The following SLC24A2 variants were observed in gnomAD, a reference collection of about 807,000 sequenced individuals.
SLC24A2 encodes the protein sodium/potassium/calcium exchanger 2.
Under a neutral mutation model 62.0 loss-of-function variants are expected in SLC24A2, and 36 were observed. The observed-to-expected ratio is 0.58, with a 90% CI of 0.44 to 0.77. The LOEUF is 0.77. Ranked by LOEUF, SLC24A2 falls within the 30% of genes least tolerant of loss-of-function variation. The pLI is 0.00. For synonymous variants in SLC24A2, 358 were observed against 294.0 expected (o/e 1.22, Z -2.23); for missense variants, 846 against 817.9 (o/e 1.03, Z -0.42).
At chr9:19,866,436 T>C in the SLC24A2 span, among the ~76,000 whole-genome samples, 1 of 152,208 alleles carries the variant, frequency 6.6e-6, no homozygotes, top group South Asian at 2.1e-4. Context: ...ATAGTAAAGA[T>C]TTGGAAAAAA....
chr9:19,636,086 C>G (rs917945805), intron 2 of SLC24A2, among the ~76,000 whole-genome samples: 5 of 152,254 alleles, frequency 3.3e-5, no homozygotes, highest in Non-Finnish European at 5.9e-5. Context: ...CCCTACTTTG[C>G]AACCAACCCC....
chr9:19,888,574 C>T, the SLC24A2 span, among the ~76,000 whole-genome samples: 2 of 151,952 alleles, frequency 1.3e-5, no homozygotes, highest in African/African-American at 2.4e-5. Context: ...ATTAAATATG[C>T]CATTTATTTG....
chr9:19,934,733 T>G, the SLC24A2 span, among the ~76,000 whole-genome samples: 1 of 152,164 alleles, frequency 6.6e-6, no homozygotes, highest in African/African-American at 2.4e-5. The surrounding 1 kb of genome is among the most constrained non-coding windows in gnomAD (Gnocchi z 4.1). Flanking sequence ...CCCGGAGAGT[T>G]GTAAAGCTCG....
chr9:19,563,210 G>C (rs1452621368), intron 7 of SLC24A2, among the ~76,000 whole-genome samples: 2 of 152,054 alleles, frequency 1.3e-5, no homozygotes, highest in African/African-American at 4.8e-5. Flanking sequence ...TTGTGTTCTA[G>C]TGGTGTCAGA....
chr9:19,626,006 A>G (rs1818025798), intron 2 of SLC24A2, among the ~76,000 whole-genome samples: 2 of 152,086 alleles, frequency 1.3e-5, no homozygotes, highest in Admixed American at 1.3e-4. Context: ...ATTTCTTTAT[A>G]GGAATTTTGC....
At chr9:20,145,133 T>TA in the SLC24A2 span, among the ~76,000 whole-genome samples, 1 of 152,180 alleles carries the variant, frequency 6.6e-6, no homozygotes, top group Admixed American at 6.5e-5. Context: ...GGATTTCATA[T>TA]GGAATAACTG....
chr9:19,991,418 C>G, the SLC24A2 span, among the ~76,000 whole-genome samples: 2 of 152,166 alleles, frequency 1.3e-5, no homozygotes, highest in African/African-American at 4.8e-5. Flanking sequence ...GGTGCCTACC[C>G]AGATTGAAGG....
chr9:20,270,071 A>C, the SLC24A2 span, among the ~76,000 whole-genome samples: 1 of 152,182 alleles, frequency 6.6e-6, no homozygotes, highest in Non-Finnish European at 1.5e-5. Flanking sequence ...TCTTGGCTTT[A>C]TAATGACCTA....
At chr9:19,689,147 G>T (rs1031650075) in intron 2 of SLC24A2, among the ~76,000 whole-genome samples, 2 of 152,008 alleles carry the variant, frequency 1.3e-5, no homozygotes, top group Admixed American at 6.6e-5. Context: ...TACAGATAAG[G>T]TAACTGAGGC....
intron 2 of SLC24A2, among the ~76,000 whole-genome samples, chr9:19,774,125 A>G (rs576719855): frequency 6.6e-6 from 1 of 152,276 alleles, no homozygotes; most frequent in East Asian, 1.9e-4. Context: ...AGGACTGAAG[A>G]AGAGTAGGCT....
chr9:20,044,013 A>C, the SLC24A2 span, among the ~76,000 whole-genome samples: 1 of 152,204 alleles, frequency 6.6e-6, no homozygotes, highest in South Asian at 2.1e-4. Context: ...AGCCATCCCA[A>C]CCATCAGCAA....
the SLC24A2 span, among the ~76,000 whole-genome samples, chr9:20,263,991 G>C: frequency 1.3e-5 from 2 of 151,910 alleles, no homozygotes; most frequent in Non-Finnish European, 2.9e-5. Flanking sequence ...GCACCTCTGA[G>C]CTGGCCCACG....
the SLC24A2 span, among the ~76,000 whole-genome samples, chr9:19,802,159 C>T: frequency 6.6e-6 from 1 of 152,166 alleles, no homozygotes; most frequent in Non-Finnish European, 1.5e-5. Flanking sequence ...GCCACAACAT[C>T]TAAGAAATAT....
chr9:19,552,254 G>C (rs1834881710), intron 7 of SLC24A2, among the ~76,000 whole-genome samples: 1 of 152,142 alleles, frequency 6.6e-6, no homozygotes, highest in Admixed American at 6.5e-5. Context: ...GATATAGCAG[G>C]TGTAGAGAAT....
chr9:19,560,347 C>T (rs951650394), intron 7 of SLC24A2, among the ~76,000 whole-genome samples: 2 of 137,748 alleles, frequency 1.5e-5, no homozygotes, highest in South Asian at 5.3e-4. Context: ...CTCTACACTC[C>T]TCTGTATTCA....
At chr9:19,784,288 A>G (rs1451815621) in intron 2 of SLC24A2, among the ~76,000 whole-genome samples, 1 of 152,184 alleles carries the variant, frequency 6.6e-6, no homozygotes, top group East Asian at 1.9e-4. Flanking sequence ...CTAAAATCAG[A>G]ATACAAAATC....
chr9:19,603,290 G>T (rs925180437), intron 4 of SLC24A2, among the ~76,000 whole-genome samples: 1 of 152,018 alleles, frequency 6.6e-6, no homozygotes, highest in East Asian at 1.9e-4. Flanking sequence ...CAAGCAAAAG[G>T]TACTTTCTCA....
At chr9:19,595,462 A>G (rs1008179550) in intron 5 of SLC24A2, among the ~76,000 whole-genome samples, 7 of 152,216 alleles carry the variant, frequency 4.6e-5, no homozygotes, top group Admixed American at 6.5e-5. Flanking sequence ...AGGATAAAGT[A>G]TGTTGAGGGT....
At chr9:20,043,042 A>G in the SLC24A2 span, among the ~76,000 whole-genome samples, 1 of 152,184 alleles carries the variant, frequency 6.6e-6, no homozygotes, top group South Asian at 2.1e-4. Flanking sequence ...TAATAACCCT[A>G]CAATGGCCTG....
Sources: allele counts gnomAD v4.1 joint callset (sites outside exome capture counted in the v4.1 genomes callset), GRCh38; gene constraint gnomAD v4.1.1; non-coding constraint Gnocchi (gnomAD v3.1); transcripts MANE v1.5; gene names NCBI Gene and HGNC (gene_info 2026-07-23, HGNC 2026-07-21).